PPP2R5E: variants seen among roughly 807,000 people sequenced by gnomAD.
PPP2R5E encodes protein phosphatase 2 regulatory subunit B'epsilon, also known as serine/threonine-protein phosphatase 2A 56 kDa regulatory subunit epsilon isoform.
In PPP2R5E, 4 loss-of-function variants were observed where a neutral mutation model predicts 65.3. That is an observed-to-expected ratio of 0.06 (90% CI 0.03 to 0.14). The LOEUF (loss-of-function observed/expected upper bound fraction) is 0.14. Among genes scored for constraint, PPP2R5E ranks in the 10% least tolerant of loss-of-function variants. PPP2R5E has a pLI of 1.00. For synonymous variants in PPP2R5E, 183 were observed against 187.4 expected, an observed-to-expected ratio of 0.98 and a Z score of 0.19; for missense variants, 274 against 556.1, an observed-to-expected ratio of 0.49 and a Z score of 5.10.
At position 63,481,266 on chromosome 14, in the gene PPP2R5E, G is replaced by A. The variant is rs181196005; in HGVS notation, c.158-27381C>T. ...AATCCCAACACTTTGGGAGGCCGAGGCGGGTGAATCACCTGAGGTCAGGAG... is the reference window on the plus strand; with the variant it reads ...AATCCCAACACTTTGGGAGGCCGAGACGGGTGAATCACCTGAGGTCAGGAG... On this transcript the variant is annotated intron_variant, in intron 2 of 13. Transcript: ENST00000337537. Among the ~76,000 whole-genome samples the A allele has an allele frequency of 7.9e-5, 12 of 152,228 alleles. No individual in the cohort carries two copies. The East Asian group carries it at 2.1e-3, about 27-fold the overall frequency.
rs1488037756 is a variant in PPP2R5E at position 63,374,073 on chromosome 14, T to G, written c.*1936A>C. ...GCGTCTGGTGTTGCATATGACTTTT[T>G]TTTTTTACTGCTTTTTTTTTTCTTT... On this transcript the variant is annotated 3_prime_UTR_variant, in exon 14 of 14. Transcript: ENST00000337537. 3 of 151,668 alleles carry G rather than the reference T, an allele frequency of 2.0e-5. No individual in the cohort carries two copies. Among genetic ancestry groups the G allele is most frequent in the Non-Finnish European group, 4.4e-5 (3 of 67,922 alleles). 9.4% of individuals were successfully genotyped at this position (151,668 alleles called of 1,614,324 possible).
intron 3 of PPP2R5E, among the ~76,000 whole-genome samples, chr14:63,442,723 T>C (rs1411219977): frequency 6.6e-6 from 1 of 152,212 alleles, no homozygotes; most frequent in African/African-American, 2.4e-5. Flanking sequence ...TAGGTATATA[T>C]GTATAGGGGA....
In PPP2R5E at chr14:63,436,098, C is replaced by T. The variant is rs190898773; in HGVS notation, c.355-14004G>A. Among the ~76,000 whole-genome samples the T allele has an allele frequency of 3.6e-4, 55 of 152,346 alleles. 1 individual carries two copies. The highest frequency in any genetic ancestry group is 1.3e-3 in the African/African-American group (53 of 41,572). ...ACCATGTGATACCAAGGCTTTGCTGCATTTCACCATCTGGGGACTGTGGGT... is the reference window on the plus strand; with the variant it reads ...ACCATGTGATACCAAGGCTTTGCTGTATTTCACCATCTGGGGACTGTGGGT... On this transcript the variant is annotated intron_variant, in intron 3 of 13. Transcript: ENST00000337537.
chr14:63,485,893 G>A (rs74743854), intron 2 of PPP2R5E, among the ~76,000 whole-genome samples: 1 of 143,682 alleles, frequency 7.0e-6, no homozygotes, highest in South Asian at 2.2e-4. Context: ...GCAGTGGTAC[G>A]ACCTCAGCTC....
intron 2 of PPP2R5E, among the ~76,000 whole-genome samples, chr14:63,494,099 A>C (rs1891422305): frequency 6.6e-6 from 1 of 152,112 alleles, no homozygotes; most frequent in South Asian, 2.1e-4. Context: ...GAACACAGAG[A>C]TATGTCTTAA....
chr14:63,459,743 A>C (rs985577999), intron 2 of PPP2R5E, among the ~76,000 whole-genome samples: 1 of 152,208 alleles, frequency 6.6e-6, no homozygotes, highest in Non-Finnish European at 1.5e-5. Flanking sequence ...CAGTGATTTC[A>C]GTATGTCACT....
intron 2 of PPP2R5E, among the ~76,000 whole-genome samples, chr14:63,471,970 G>GA (rs1890157473): frequency 6.6e-6 from 1 of 152,164 alleles, no homozygotes; most frequent in Non-Finnish European, 1.5e-5. Context: ...GGGTTAGAAA[G>GA]ATTCTCCAGC....
chr14:63,494,709 A>C (rs778681440), intron 2 of PPP2R5E, among the ~76,000 whole-genome samples: 20 of 151,590 alleles, frequency 1.3e-4, no homozygotes, highest in Non-Finnish European at 2.8e-4. Flanking sequence ...TGCCTGGACA[A>C]CATGACAAAA....
At chr14:63,464,479 A>T (rs28579385) in intron 2 of PPP2R5E, among the ~76,000 whole-genome samples, 41,953 of 151,918 alleles carry the variant, frequency 0.28, 7,004 homozygotes, top group African/African-American at 0.47. Flanking sequence ...AGGAAGAAGG[A>T]GCATGCTGGT....
chr14:63,541,094 G>A (rs1893883099), intron 1 of PPP2R5E, among the ~76,000 whole-genome samples: 1 of 152,158 alleles, frequency 6.6e-6, no homozygotes, highest in Non-Finnish European at 1.5e-5. Context: ...TACTACTACT[G>A]AAACTATCTA....
chr14:63,420,780 C>T lies in PPP2R5E; in HGVS notation c.456+1213G>A, dbSNP rs1053869629. Among the ~76,000 whole-genome samples, 12 of 100,930 alleles carry T rather than the reference C, an allele frequency of 1.2e-4. 1 individual carries two copies. Among genetic ancestry groups the T allele is most frequent in the Non-Finnish European group, 2.1e-4 (11 of 52,508 alleles). 66.2% of individuals were successfully genotyped at this position (100,930 alleles called of 152,430 possible). ...CAAAAAGTCAACCTGAGGCCGGGCG[C>T]GGTGGCTCACGCCTGTAATCCCAGC... On this transcript the variant is annotated intron_variant, in intron 4 of 13. Coordinates refer to ENST00000337537, the MANE Select transcript of PPP2R5E (RefSeq NM_006246.5).
At chr14:63,376,706 C>T (rs780661374) in intron 13 of PPP2R5E, among the ~76,000 whole-genome samples, 16 of 152,082 alleles carry the variant, frequency 1.1e-4, no homozygotes, top group Non-Finnish European at 1.9e-4. Flanking sequence ...TTGCCAAGGA[C>T]ATTTTAAAAT....
chr14:63,381,581 A>G (rs1884359960), intron 13 of PPP2R5E, among the ~76,000 whole-genome samples: 1 of 142,620 alleles, frequency 7.0e-6, no homozygotes, highest in Non-Finnish European at 1.5e-5. Flanking sequence ...TCAGTGGCAC[A>G]GTAATAAATA....
At chr14:63,465,450 C>CAAAAAAAAAAAAAAAAAA (rs1171345415) in intron 2 of PPP2R5E, among the ~76,000 whole-genome samples, 5 of 47,370 alleles carry the variant, frequency 1.1e-4, no homozygotes, top group African/African-American at 3.9e-4. Context: ...TCCACCTCTA[C>CAAAAAAAAAAAAAAAAAA]AAAAAAAAAA....
At position 63,448,139 on chromosome 14, in the gene PPP2R5E, T is replaced by C. The variant is rs188089030; in HGVS notation, c.354+5550A>G. On this transcript the variant is annotated intron_variant, in intron 3 of 13. Transcript: ENST00000337537. ...GGTGAAACCCTGTCTCTACTAAAAA[T>C]ACAAAAAATTAGCCAGGCGTGGTGG... 5.3e-5 allele frequency among the ~76,000 whole-genome samples: 8 copies of C among 151,814 alleles called. No homozygotes were observed. In the East Asian group the frequency reaches 1.2e-3, roughly 22 times the overall value.
chr14:63,484,388 A>AC (rs1566736534), intron 2 of PPP2R5E, among the ~76,000 whole-genome samples: 280 of 124,592 alleles, frequency 2.2e-3, no homozygotes, highest in African/African-American at 8.3e-3. Flanking sequence ...CACACACACA[A>AC]AGAATCGTAT....
intron 3 of PPP2R5E, among the ~76,000 whole-genome samples, chr14:63,422,692 A>C (rs1887097299): frequency 7.1e-6 from 1 of 141,374 alleles, no homozygotes; most frequent in South Asian, 2.3e-4. Context: ...GCGGCACTGC[A>C]CTCCAGCCTG....
intron 2 of PPP2R5E, among the ~76,000 whole-genome samples, chr14:63,505,339 C>T (rs147147388): frequency 0.011 from 1,668 of 152,266 alleles, 10 homozygotes; most frequent in Non-Finnish European, 0.018. Context: ...AAAGAAGTTT[C>T]CAAAGATGCC....
intron 11 of PPP2R5E, among the ~76,000 whole-genome samples, chr14:63,387,053 C>T (rs1884716756): frequency 6.6e-6 from 1 of 151,832 alleles, no homozygotes; most frequent in Non-Finnish European, 1.5e-5. Flanking sequence ...TGGACGAGGA[C>T]AATGTGTTTG....
Sources: allele counts gnomAD v4.1 joint callset (sites outside exome capture counted in the v4.1 genomes callset), GRCh38; gene constraint gnomAD v4.1.1; transcripts MANE v1.5; gene names NCBI Gene and HGNC (gene_info 2026-07-23, HGNC 2026-07-21).